Variants in JAG1 observed in about 807,000 individuals in gnomAD.
JAG1 encodes the protein jagged canonical Notch ligand 1.
In JAG1, 23 loss-of-function variants were observed where a neutral mutation model predicts 148.7. That is an observed-to-expected ratio of 0.15 (90% CI 0.11 to 0.22). The LOEUF is 0.22. Ranked by LOEUF, JAG1 falls within the 10% of genes least tolerant of loss-of-function variation. The pLI, the probability that JAG1 is intolerant of heterozygous loss-of-function variation, is 1.00. For synonymous variants in JAG1, 572 were observed against 598.3 expected (o/e 0.96, Z 0.64); for missense variants, 1,054 against 1,611.2 (o/e 0.65, Z 5.92).
chr20:10,646,951 A>G lies in JAG1; in HGVS notation c.1873T>C (p.Tyr625His), dbSNP rs752942128. Residue 625 changes from tyrosine to histidine, a missense_variant, in exon 14 of 26, where the codon TAC (tyrosine) becomes CAC (histidine). This residue lies in a region of JAG1 where 35 missense variants were observed against 99.7 expected (regional missense o/e 0.35). Coordinates refer to ENST00000254958, the MANE Select transcript of JAG1 (RefSeq NM_000214.3). ...GAGGGAGTCTTACTTTCATGGCAGT[A>G]TGTTCCCGTGAAGCCTTTGTTACAG... Reference protein sequence around the residue: ...CDCNKGFTGTYCHENINDCES... With the variant: ...CDCNKGFTGTHCHENINDCES... 6.2e-7 allele frequency: 1 copy of G among 1,614,134 alleles called. No homozygotes were observed. Among genetic ancestry groups the G allele is most frequent in the Non-Finnish European group, 8.5e-7 (1 of 1,180,012 alleles).
intron 25 of JAG1, among the ~76,000 whole-genome samples, chr20:10,640,402 C>A (rs2067262501): frequency 6.6e-6 from 1 of 152,214 alleles, no homozygotes; most frequent in Non-Finnish European, 1.5e-5. Flanking sequence ...CCTGGACACC[C>A]CTGCGGGGCC....
intron 9 of JAG1, 196 bp from the exon 10 acceptor site, chr20:10,649,831 A>C: frequency 1.6e-6 from 1 of 619,216 alleles, no homozygotes; most frequent in Non-Finnish European, 2.9e-6. Flanking sequence ...TAAGAACCCT[A>C]ATTGATAACT....
intron 5 of JAG1, 183 bp from the exon 6 acceptor site, chr20:10,652,781 C>T: frequency 1.8e-6 from 1 of 555,534 alleles, no homozygotes; most frequent in South Asian, 1.9e-5. Flanking sequence ...AGCTGAGGTC[C>T]CCTCCCAGCC....
chr20:10,660,907 AAGG>A (rs2067412552), intron 3 of JAG1, among the ~76,000 whole-genome samples: 1 of 152,208 alleles, frequency 6.6e-6, no homozygotes, highest in South Asian at 2.1e-4. Flanking sequence ...CTCGCAGGCC[AAGG>A]AGGAGGTGAT....
rs936351059 is a variant in JAG1 at position 10,651,609 on chromosome 20, T to C, written c.1092A>G (p.Pro364=). 1.9e-5 allele frequency: 31 copies of C among 1,613,572 alleles called. No individual in the cohort carries two copies. Among genetic ancestry groups the C allele is most frequent in the Non-Finnish European group, 2.5e-5 (29 of 1,179,696 alleles). ...TSLGFECECS[P]GWTGPTCSTN... ...TAGAGCATGTGGGGCCGGTCCAGCC[T>C]GGGGAACACTCACACTCAAAGCCCA... Residue 364 remains proline (P), a synonymous_variant, in exon 8 of 26, where the codon CCA becomes CCG. Coordinates refer to ENST00000254958, the MANE Select transcript of JAG1 (RefSeq NM_000214.3).
In JAG1 at chr20:10,673,884, A is replaced by T. The variant is rs1461673874; in HGVS notation, c.-354T>A. ...TTCCCTTTTAGATCAGCTGCATGGAAAAAGGGGGGAGGGAGGGGAGAAAAA... is the reference window on the plus strand; with the variant it reads ...TTCCCTTTTAGATCAGCTGCATGGATAAAGGGGGGAGGGAGGGGAGAAAAA... On this transcript the variant is annotated 5_prime_UTR_variant, in exon 1 of 26. Coordinates refer to ENST00000254958, the MANE Select transcript of JAG1 (RefSeq NM_000214.3). The surrounding 1 kb of genome is among the most constrained non-coding windows in gnomAD (Gnocchi z 4.7). 1 of 155,646 alleles carries T rather than the reference A, an allele frequency of 6.4e-6. No individual in the cohort carries two copies. Among genetic ancestry groups the T allele is most frequent in the Non-Finnish European group, 1.4e-5 (1 of 70,826 alleles). The allele number at this position is 155,646 out of a possible 1,614,324, so 9.6% of individuals were successfully genotyped here. A position where few individuals can be genotyped will look rare whatever the true frequency, so the allele number is the denominator to read the frequency against.
At chr20:10,640,084 TC>T in intron 25 of JAG1, 129 bp from the exon 26 acceptor site, 1 of 751,708 alleles carries the variant, frequency 1.3e-6, no homozygotes, top group East Asian at 2.7e-5. Context: ...CAGGGACAAG[TC>T]CCTTTTCATC....
At chr20:10,655,805 C>G (rs1486279305) in intron 5 of JAG1, among the ~76,000 whole-genome samples, 3 of 152,158 alleles carry the variant, frequency 2.0e-5, no homozygotes, top group African/African-American at 7.2e-5. Context: ...TCAGGGCAGG[C>G]CTCCCTTTGG....
intron 23 of JAG1, 56 bp downstream of exon 23, chr20:10,641,404 T>G: frequency 6.5e-7 from 1 of 1,548,506 alleles, no homozygotes; most frequent in East Asian, 2.2e-5. Flanking sequence ...ATTCCTCCTT[T>G]AAAGCAAGCA....
chr20:10,655,415 G>C lies in JAG1; in HGVS notation c.755+983C>G, dbSNP rs1453956517. On this transcript the variant is annotated intron_variant, in intron 5 of 25. Transcript: ENST00000254958. ...TTACACTTTGAGTACTGAGGTCTGGGGGCAGTGATTGCTGATGGTTCCATC... is the reference window on the plus strand; with the variant it reads ...TTACACTTTGAGTACTGAGGTCTGGCGGCAGTGATTGCTGATGGTTCCATC... 2.6e-5 allele frequency among the ~76,000 whole-genome samples: 4 copies of C among 152,096 alleles called. No homozygotes were observed. The East Asian group carries it at 7.7e-4, about 29-fold the overall frequency.
intron 3 of JAG1, among the ~76,000 whole-genome samples, chr20:10,659,577 T>TTTC: frequency 6.7e-6 from 1 of 149,140 alleles, no homozygotes; most frequent in East Asian, 2.0e-4. Context: ...TTTTTTTTTT[T>TTTC]TTTTTTTTTT....
intron 11 of JAG1, 41 bp from the exon 12 acceptor site, chr20:10,648,763 T>C: frequency 1.3e-6 from 2 of 1,587,068 alleles, no homozygotes; most frequent in South Asian, 1.1e-5. Context: ...ATGCTTTTTT[T>C]CTATGTATTC....
At chr20:10,664,373 A>AACACACACACAC (rs59417356) in intron 2 of JAG1, among the ~76,000 whole-genome samples, 1,913 of 144,656 alleles carry the variant, frequency 0.013, 17 homozygotes, top group African/African-American at 0.017. Context: ...TGCATGAGGA[A>AACACACACACAC]ACACACACAC....
intron 3 of JAG1, among the ~76,000 whole-genome samples, chr20:10,660,879 C>T (rs767409903): frequency 1.3e-5 from 2 of 152,092 alleles, no homozygotes; most frequent in African/African-American, 4.8e-5. Context: ...AGATGAGTCA[C>T]GAAGAAGCCA....
chr20:10,664,453 G>T (rs774968981), intron 2 of JAG1, among the ~76,000 whole-genome samples: 1 of 151,494 alleles, frequency 6.6e-6, no homozygotes, highest in Non-Finnish European at 1.5e-5. Flanking sequence ...TATTTGTACC[G>T]AGGGGGTATT....
rs747362885 is a variant in JAG1 at position 10,646,055 on chromosome 20, T to C, written c.1915A>G (p.Arg639Gly). Residue 639 changes from arginine (R) to glycine (G), a missense_variant, in exon 15 of 26, where the codon AGA becomes GGA. By Grantham distance (125) the Arg-to-Gly change is moderately radical. This residue lies in a region of JAG1 where 35 missense variants were observed against 99.7 expected (regional missense o/e 0.35). Coordinates refer to ENST00000254958, the MANE Select transcript of JAG1 (RefSeq NM_000214.3). ...NINDCESNPC[R>G]NGGTCIDGVN... ...CCATCGATGCAAGTGCCACCGTTTC[T>C]ACAAGGGTTGCTCTCACAGTCATTA... The C allele has an allele frequency of 3.7e-6, 6 of 1,613,628 alleles. No homozygotes were observed. Among genetic ancestry groups the C allele is most frequent in the Non-Finnish European group, 4.2e-6 (5 of 1,179,566 alleles).
Position 10,645,533 on chromosome 20 carries a change from G to A in JAG1, c.2000-64C>T. 4 of 1,312,734 alleles carry A rather than the reference G, an allele frequency of 3.0e-6. No individual in the cohort carries two copies. In the South Asian group the frequency reaches 4.7e-5, roughly 15 times the overall value. 81.3% of individuals were successfully genotyped at this position (1,312,734 alleles called of 1,614,324 possible). ...CCAGGACCATTCACGACAGGCGAGA[G>A]CCAAGCCTTTCCTACTGCTTACATC... On this transcript the variant is annotated intron_variant, in intron 15 of 25. Coordinates refer to ENST00000254958, the MANE Select transcript of JAG1 (RefSeq NM_000214.3). The surrounding 1 kb of genome is among the most constrained non-coding windows in gnomAD (Gnocchi z 6.1).
chr20:10,663,428 G>C (rs2067430712), intron 3 of JAG1, among the ~76,000 whole-genome samples: 1 of 152,186 alleles, frequency 6.6e-6, no homozygotes, highest in Non-Finnish European at 1.5e-5. Context: ...TTTCAGAAAG[G>C]GACAAGGCAG....
At position 10,639,389 on chromosome 20, in the gene JAG1, A is replaced by C; in HGVS notation, c.*109T>G. The C allele has an allele frequency of 9.6e-7, 1 of 1,036,576 alleles. No homozygotes were observed. The highest frequency in any genetic ancestry group is 1.7e-5 in the Admixed American group (1 of 59,162). 64.2% of individuals were successfully genotyped at this position (1,036,576 alleles called of 1,614,324 possible). ...AAGCCAGCTTGTCAAAACTTAAATT[A>C]ACACAGGGATTCTAAGTCAGCAACG... On this transcript the variant is annotated 3_prime_UTR_variant, in exon 26 of 26. Coordinates refer to ENST00000254958, the MANE Select transcript of JAG1 (RefSeq NM_000214.3).
Sources: gnomAD v4.1 joint callset for allele counts (sites outside exome capture counted in the v4.1 genomes callset) on GRCh38, gnomAD v4.1.1 for gene constraint, gnomAD v4.1.1 regional missense constraint, Gnocchi (gnomAD v3.1) non-coding constraint, MANE v1.5 for transcripts, NCBI Gene and HGNC (gene_info 2026-07-23, HGNC 2026-07-21) for gene names.